The following MYRIP variants were observed in gnomAD, a reference collection of about 807,000 sequenced individuals.
MYRIP encodes rab effector MyRIP.
A neutral mutation model predicts 98.0 loss-of-function variants in MYRIP; 49 were observed. The observed-to-expected ratio is 0.50, with a 90% confidence interval of 0.40 to 0.63. MYRIP has a LOEUF of 0.63. MYRIP is among the 30% of genes least tolerant of loss of function. MYRIP has a pLI of 0.00. For synonymous variants in MYRIP, 404 were observed against 409.5 expected (o/e 0.99, Z 0.16); for missense variants, 1,004 against 1,058.2 (o/e 0.95, Z 0.71).
intron 2 of MYRIP, among the ~76,000 whole-genome samples, chr3:39,994,617 G>C (rs1398723820): frequency 6.6e-6 from 1 of 152,224 alleles, no homozygotes; most frequent in East Asian, 1.9e-4. Context: ...TGGGGGCAGG[G>C]CATAGCCAAA....
At chr3:40,176,631 T>C (rs1210691140) in intron 8 of MYRIP, among the ~76,000 whole-genome samples, 1 of 151,818 alleles carries the variant, frequency 6.6e-6, no homozygotes, top group Admixed American at 6.6e-5. Context: ...GGCACCCAGG[T>C]GCCCAGGTGC....
intron 2 of MYRIP, among the ~76,000 whole-genome samples, chr3:40,028,918 G>A (rs1947196203): frequency 6.6e-6 from 1 of 152,056 alleles, no homozygotes; most frequent in Non-Finnish European, 1.5e-5. Flanking sequence ...CATTTGCTTG[G>A]AATAAATGCT....
chr3:39,994,970 T>C (rs1401718032), intron 2 of MYRIP, among the ~76,000 whole-genome samples: 2 of 152,178 alleles, frequency 1.3e-5, no homozygotes, highest in African/African-American at 4.8e-5. Context: ...GACCTGCAGC[T>C]GAGGGTCCTG....
intron 10 of MYRIP, among the ~76,000 whole-genome samples, chr3:40,204,000 T>TTA (rs1951681823): frequency 0.018 from 12 of 664 alleles, no homozygotes; most frequent in Non-Finnish European, 0.027. Context: ...ATTATATATA[T>TTA]TATATATTAT....
chr3:40,082,844 T>C (rs973696728), intron 3 of MYRIP, among the ~76,000 whole-genome samples: 61 of 152,264 alleles, frequency 4.0e-4, no homozygotes, highest in African/African-American at 1.4e-3. Context: ...TGCAGATAAA[T>C]TTCGGGAAAT....
intron 1 of MYRIP, among the ~76,000 whole-genome samples, chr3:39,851,260 G>A (rs1942122448): frequency 1.3e-5 from 2 of 152,168 alleles, no homozygotes; most frequent in Non-Finnish European, 2.9e-5. Context: ...AGTGATGACA[G>A]CAATGAAGTC....
intron 13 of MYRIP, among the ~76,000 whole-genome samples, chr3:40,245,103 A>G (rs1467018955): frequency 6.6e-6 from 1 of 152,228 alleles, no homozygotes; most frequent in Non-Finnish European, 1.5e-5. Flanking sequence ...GGGGTGAACA[A>G]ATGAAGGAAA....
At chr3:40,083,867 G>C (rs1357666664) in intron 3 of MYRIP, among the ~76,000 whole-genome samples, 1 of 152,122 alleles carries the variant, frequency 6.6e-6, no homozygotes, top group Non-Finnish European at 1.5e-5. Context: ...GCCGGGCGCG[G>C]TGGCTCACGC....
chr3:40,126,266 C>T (rs150985732), intron 3 of MYRIP, among the ~76,000 whole-genome samples: 5 of 152,254 alleles, frequency 3.3e-5, no homozygotes, highest in Middle Eastern at 3.4e-3. Context: ...GGGGTGGGGC[C>T]GAACAAGCTG....
intron 3 of MYRIP, among the ~76,000 whole-genome samples, chr3:40,076,841 A>T (rs529953873): frequency 6.6e-6 from 1 of 152,334 alleles, no homozygotes; most frequent in South Asian, 2.1e-4. Flanking sequence ...CACGCAAAAA[A>T]TTACAACACC....
At chr3:39,898,620 C>T (rs1943671138) in intron 1 of MYRIP, among the ~76,000 whole-genome samples, 2 of 152,082 alleles carry the variant, frequency 1.3e-5, no homozygotes, top group African/African-American at 4.8e-5. Context: ...ACAGTCAAAT[C>T]CCAGGTTGCC....
intron 9 of MYRIP, among the ~76,000 whole-genome samples, chr3:40,185,538 G>C (rs1181728620): frequency 6.6e-6 from 1 of 152,150 alleles, no homozygotes; most frequent in Non-Finnish European, 1.5e-5. Flanking sequence ...GTGCAGCTTT[G>C]ATAATGCTGC....
intron 11 of MYRIP, among the ~76,000 whole-genome samples, chr3:40,214,810 T>A (rs1020297991): frequency 6.6e-6 from 1 of 152,120 alleles, no homozygotes; most frequent in Non-Finnish European, 1.5e-5. Flanking sequence ...AGTGGTTCTT[T>A]TTGCCTCTAG....
At chr3:40,012,892 A>G (rs188276836) in intron 2 of MYRIP, among the ~76,000 whole-genome samples, 1 of 152,228 alleles carries the variant, frequency 6.6e-6, no homozygotes, top group African/African-American at 2.4e-5. Flanking sequence ...ATGCGTCTAC[A>G]TATATACACA....
At chr3:40,034,037 G>A (rs1450455313) in intron 2 of MYRIP, among the ~76,000 whole-genome samples, 2 of 152,058 alleles carry the variant, frequency 1.3e-5, no homozygotes, top group Non-Finnish European at 2.9e-5. Flanking sequence ...AGCTGAAACT[G>A]GATCCTTTCC....
intron 2 of MYRIP, among the ~76,000 whole-genome samples, chr3:39,996,220 TA>T (rs1946350179): frequency 6.6e-6 from 1 of 152,140 alleles, no homozygotes; most frequent in Non-Finnish European, 1.5e-5. Flanking sequence ...ATCCTCCAAT[TA>T]AAAGACACAG....
At chr3:40,142,505 C>T (rs1949925917) in intron 3 of MYRIP, among the ~76,000 whole-genome samples, 1 of 152,102 alleles carries the variant, frequency 6.6e-6, no homozygotes, top group Non-Finnish European at 1.5e-5. Flanking sequence ...CTTCATCACC[C>T]AGGCTGGAGA....
chr3:39,840,882 C>G (rs2125594237), intron 1 of MYRIP, among the ~76,000 whole-genome samples: 1 of 152,292 alleles, frequency 6.6e-6, no homozygotes, highest in South Asian at 2.1e-4. Context: ...TTCTCTCTGG[C>G]TGCCCTTAAC....
intron 3 of MYRIP, among the ~76,000 whole-genome samples, chr3:40,132,566 G>A (rs1290474856): frequency 6.6e-6 from 1 of 152,248 alleles, no homozygotes; most frequent in Non-Finnish European, 1.5e-5. Context: ...CCAGGGCCCT[G>A]AGCTAGACCA....
Sources: allele counts gnomAD v4.1 joint callset (sites outside exome capture counted in the v4.1 genomes callset), GRCh38; gene constraint gnomAD v4.1.1; transcripts MANE v1.5; gene names NCBI Gene and HGNC (gene_info 2026-07-23, HGNC 2026-07-21).